COL4A5: variants seen among roughly 807,000 people sequenced by gnomAD.
COL4A5 encodes collagen type IV alpha 5 chain.
In COL4A5, 26 loss-of-function variants were observed where a neutral mutation model predicts 130.2. The ratio of observed to expected loss-of-function variants is 0.20; its 90% confidence interval spans 0.15 to 0.28. COL4A5 has a LOEUF of 0.28. Ranked by LOEUF, COL4A5 falls within the 10% of genes least tolerant of loss-of-function variation. The pLI, the probability that COL4A5 is intolerant of heterozygous loss-of-function variation, is 1.00. For missense variants in COL4A5, 1,131 were observed against 1,344.3 expected (o/e 0.84, Z 2.48); for synonymous variants, 496 against 439.6 (o/e 1.13, Z -1.60).
chrX:108,592,779 G>A (rs974722996), intron 21 of COL4A5, among the ~76,000 whole-genome samples: 1 of 105,743 alleles, frequency 9.5e-6, no homozygotes, highest in African/African-American at 3.5e-5. Context: ...GTGTGTGTGT[G>A]TATGTGTATC....
chrX:108,550,744 G>A (rs1422598027), intron 2 of COL4A5, among the ~76,000 whole-genome samples: 1 of 111,050 alleles, frequency 9.0e-6, no homozygotes, highest in East Asian at 2.8e-4. Context: ...TTGTTTTTTT[G>A]ATGATGACAT....
chrX:108,565,844 G>A (rs776358833), intron 4 of COL4A5, among the ~76,000 whole-genome samples: 39 of 111,564 alleles, frequency 3.5e-4, no homozygotes, highest in Non-Finnish European at 1.3e-4. Context: ...AGAACTGTAC[G>A]CTTAAGATTA....
chrX:108,522,660 A>C (rs2065275216), intron 1 of COL4A5, among the ~76,000 whole-genome samples: 2 of 107,992 alleles, frequency 1.9e-5, no homozygotes, highest in Non-Finnish European at 3.8e-5. Flanking sequence ...GTACATTATA[A>C]GAATTCTTTA....
At chrX:108,486,894 G>A (rs938127369) in intron 1 of COL4A5, among the ~76,000 whole-genome samples, 1 of 112,258 alleles carries the variant, frequency 8.9e-6, no homozygotes, top group Non-Finnish European at 1.9e-5. Context: ...ACACAAGTGT[G>A]CAAGGTTTTG....
chrX:108,481,997 G>A (rs936892777), intron 1 of COL4A5, among the ~76,000 whole-genome samples: 3 of 111,026 alleles, frequency 2.7e-5, no homozygotes, highest in Admixed American at 9.6e-5. Context: ...TGCTCACAGT[G>A]GGCCATCTTT....
At chrX:108,476,965 G>A (rs942858333) in intron 1 of COL4A5, among the ~76,000 whole-genome samples, 1 of 111,294 alleles carries the variant, frequency 9.0e-6, no homozygotes, top group East Asian at 2.8e-4. Context: ...TCTCTTAGAG[G>A]GACAGAACGA....
intron 1 of COL4A5, among the ~76,000 whole-genome samples, chrX:108,526,039 C>T (rs2065307984): frequency 9.0e-6 from 1 of 111,659 alleles, no homozygotes; most frequent in Non-Finnish European, 1.9e-5. Context: ...CTCTCAGCTA[C>T]TCTCACTTGG....
At chrX:108,602,235 G>A (rs977015850) in intron 27 of COL4A5, among the ~76,000 whole-genome samples, 3 of 111,906 alleles carry the variant, frequency 2.7e-5, no homozygotes, top group African/African-American at 9.8e-5. Flanking sequence ...AAAATCACAG[G>A]AATTATTGTG....
At chrX:108,476,681 A>G (rs1176636306) in intron 1 of COL4A5, among the ~76,000 whole-genome samples, 1 of 110,470 alleles carries the variant, frequency 9.1e-6, no homozygotes, top group Non-Finnish European at 1.9e-5. Flanking sequence ...GAGAACATGC[A>G]GTTTGTCTTT....
chrX:108,486,797 T>C (rs1177768639), intron 1 of COL4A5, among the ~76,000 whole-genome samples: 2 of 112,136 alleles, frequency 1.8e-5, no homozygotes, highest in African/African-American at 3.2e-5. Flanking sequence ...ATATACCATA[T>C]TTTCTTTATC....
intron 2 of COL4A5, among the ~76,000 whole-genome samples, chrX:108,554,172 G>GT (rs1341253613): frequency 9.0e-6 from 1 of 111,308 alleles, no homozygotes; most frequent in African/African-American, 3.3e-5. Flanking sequence ...GATGATTTCT[G>GT]TATTAGTCCA....
Position 108,677,578 on chromosome X carries a change from C to T in COL4A5, c.3887C>T (p.Pro1296Leu), listed in dbSNP as rs752416376. 6.6e-6 allele frequency: 8 copies of T among 1,209,293 alleles called. No homozygotes were observed. The East Asian group carries it at 2.4e-4, about 36-fold the overall frequency. Residue 1296 changes from proline to leucine, a missense_variant, in exon 44 of 53, where the codon CCT (proline) becomes CTT (leucine). By Grantham distance (98) the Pro-to-Leu change is moderately conservative (BLOSUM62 -3). Coordinates refer to ENST00000328300, the MANE Select transcript of COL4A5 (RefSeq NM_033380.3). ...GGAGAGAAGGGAAATCCAGGCCAAC[C>T]TGGGCTACCTGGCTTGCCTGGTTTG... ...IKGEKGNPGQ[P>L]GLPGLPGLKG...
chrX:108,670,257 G>C (rs1185241735), intron 42 of COL4A5, 21 bp downstream of exon 42: 12 of 1,210,057 alleles, frequency 9.9e-6, no homozygotes, highest in Non-Finnish European at 1.3e-5. Flanking sequence ...TAACTCCAAA[G>C]TAGTAACTGC....
Position 108,601,612 on chromosome X carries a change from C to T in COL4A5, c.2041+127C>T, listed in dbSNP as rs1037830115. ...CGTGATGTTGGCTTGCTGCAGCAAC[C>T]TCCTACTTCTGGGTTCAAGCAGTTC... On this transcript the variant is annotated intron_variant, in intron 26 of 52. Coordinates refer to ENST00000328300, the MANE Select transcript of COL4A5 (RefSeq NM_033380.3). 1.4e-5 allele frequency: 7 copies of T among 517,186 alleles called. No homozygotes were observed. In the African/African-American group the frequency reaches 1.7e-4, roughly 13 times the overall value. The allele number at this position is 517,186 out of a possible 1,213,427, so 42.6% of individuals were successfully genotyped here.
intron 34 of COL4A5, among the ~76,000 whole-genome samples, chrX:108,625,409 T>A (rs1171877769): frequency 1.8e-5 from 2 of 112,476 alleles, no homozygotes; most frequent in Non-Finnish European, 3.8e-5. Context: ...GTTGTACACA[T>A]ACAGCAAATA....
Position 108,601,419 on chromosome X carries a change from A to G in COL4A5, c.1975A>G (p.Ile659Val), listed in dbSNP as rs201414732. 1.1e-4 allele frequency: 136 copies of G among 1,206,207 alleles called. No homozygotes were observed. Among genetic ancestry groups the G allele is most frequent in the Non-Finnish European group, 1.5e-4 (130 of 893,565 alleles). ...PGPKGDPGQT[I>V]TQPGKPGLPG... The stretch of plus-strand genomic sequence containing the variant: ...TCCTAAAGGGGATCCAGGTCAGACT[A>G]TAACCCAGCCGGGGAAGCCTGGCTT... The change falls in exon 26 of 53, where the codon ATA becomes GTA. Residue 659 changes from isoleucine to valine, a missense_variant. Transcript: ENST00000328300.
chrX:108,642,397 C>A (rs1341603880), intron 36 of COL4A5, among the ~76,000 whole-genome samples: 1 of 111,330 alleles, frequency 9.0e-6, no homozygotes, highest in Non-Finnish European at 1.9e-5. Context: ...CTGATGCTTT[C>A]TGGAAAGTGC....
In COL4A5 at chrX:108,621,901, C is replaced by A. The variant is rs2067060560; in HGVS notation, c.2767+9C>A. On this transcript the variant is annotated intron_variant, in intron 32 of 52. Transcript: ENST00000328300. ...TGTACCTGGTCTTAAAGGTAATAATCAAGGTTTGCTGCCAGACGTATGTGA... is the reference window on the plus strand; with the variant it reads ...TGTACCTGGTCTTAAAGGTAATAATAAAGGTTTGCTGCCAGACGTATGTGA... 2.6e-6 allele frequency: 3 copies of A among 1,154,753 alleles called. No homozygotes were observed. Among genetic ancestry groups the A allele is most frequent in the Non-Finnish European group, 3.5e-6 (3 of 845,687 alleles).
At chrX:108,479,486 C>T in intron 1 of COL4A5, among the ~76,000 whole-genome samples, 1 of 112,317 alleles carries the variant, frequency 8.9e-6, no homozygotes, top group African/African-American at 3.2e-5. Context: ...AGTGTTGCAG[C>T]TGTCCACTTT....
Sources: allele counts gnomAD v4.1 joint callset (sites outside exome capture counted in the v4.1 genomes callset), GRCh38; gene constraint gnomAD v4.1.1; transcripts MANE v1.5; gene names NCBI Gene and HGNC (gene_info 2026-07-23, HGNC 2026-07-21).